AEBP2: variants seen among roughly 807,000 people sequenced by gnomAD.
AEBP2 encodes AE binding protein 2.
A neutral mutation model predicts 50.8 loss-of-function variants in AEBP2; 10 were observed. That is an observed-to-expected ratio of 0.20 (90% CI 0.12 to 0.33). The LOEUF is 0.33. Among genes scored for constraint, AEBP2 ranks in the 10% least tolerant of loss-of-function variants. AEBP2 has a pLI of 1.00. For missense variants in AEBP2, 570 were observed against 688.0 expected, an observed-to-expected ratio of 0.83 and a Z score of 1.92; for synonymous variants, 296 against 261.3, an observed-to-expected ratio of 1.13 and a Z score of -1.28.
chr12:19,518,030 G>A lies in AEBP2; in HGVS notation c.1482-57G>A. The A allele has an allele frequency of 2.0e-6, 3 of 1,469,002 alleles. 1 individual carries two copies. Among genetic ancestry groups the A allele is most frequent in the South Asian group, 2.6e-5 (2 of 77,902 alleles). 91.0% of individuals were successfully genotyped at this position (1,469,002 alleles called of 1,614,324 possible). On this transcript the variant is annotated intron_variant, in intron 7 of 7. Transcript: ENST00000266508. The stretch of plus-strand genomic sequence containing the variant: ...ATTAATATTTTTAATGTCTCTTGAA[G>A]CACTCAAATGTGTTTGATTCAGTTG...
intron 3 of AEBP2, among the ~76,000 whole-genome samples, chr12:19,492,001 G>A (rs981783769): frequency 4.0e-5 from 6 of 151,736 alleles, no homozygotes; most frequent in African/African-American, 1.5e-4. Flanking sequence ...GCTTACAATT[G>A]GTAGAGGTAC....
intron 1 of AEBP2, among the ~76,000 whole-genome samples, chr12:19,409,999 G>C (rs2095738418): frequency 6.6e-6 from 1 of 152,054 alleles, no homozygotes. Flanking sequence ...ATGCTCCAGG[G>C]ACCTGATTTC....
chr12:19,499,645 A>G (rs1036109963), intron 4 of AEBP2, among the ~76,000 whole-genome samples: 1 of 151,642 alleles, frequency 6.6e-6, no homozygotes, highest in Non-Finnish European at 1.5e-5. Flanking sequence ...TCAAAATAAT[A>G]TTATTGTATT....
At chr12:19,461,017 A>G (rs1423384783) in intron 1 of AEBP2, among the ~76,000 whole-genome samples, 1 of 152,126 alleles carries the variant, frequency 6.6e-6, no homozygotes, top group African/African-American at 2.4e-5. Flanking sequence ...CTGCAATTTT[A>G]AAATGATTCA....
chr12:19,419,896 C>G (rs982030326), intron 1 of AEBP2, among the ~76,000 whole-genome samples: 2 of 152,132 alleles, frequency 1.3e-5, no homozygotes, highest in African/African-American at 4.8e-5. Context: ...CACCACTGCG[C>G]TCCAGCCTGG....
chr12:19,416,636 T>C lies in AEBP2; in HGVS notation c.-17+12420T>C, dbSNP rs112618251. ...GCCAGGCTGGTCTTTTTTTTTTTTT[T>C]TTCTTGAGACAGAGTCTCGTTCTGT... On this transcript the variant is annotated intron_variant, in intron 1 of 3. Coordinates refer to the AEBP2 transcript ENST00000538425. Among the ~76,000 whole-genome samples, 435 of 151,566 alleles carry C rather than the reference T, an allele frequency of 2.9e-3. 1 individual carries two copies. Among genetic ancestry groups the C allele is most frequent in the African/African-American group, 9.9e-3 (411 of 41,364 alleles).
intron 1 of AEBP2, among the ~76,000 whole-genome samples, chr12:19,441,379 T>A (rs1399059741): frequency 1.3e-5 from 2 of 152,220 alleles, no homozygotes; most frequent in Non-Finnish European, 2.9e-5. Flanking sequence ...AAAACGAGAA[T>A]CACATGCATA....
Position 19,473,240 on chromosome 12 carries a change from C to CT in AEBP2, c.880-6dup. ...TGAAAATTAATATGGTTCTGTTTTTCTTAACAGGTATTTGTTTGCTTATGG... is the reference window on the plus strand; with the variant it reads ...TGAAAATTAATATGGTTCTGTTTTTCTTTAACAGGTATTTGTTTGCTTATGG... On this transcript the variant is annotated splice_polypyrimidine_tract_variant and splice_region_variant and intron_variant, in intron 2 of 7. Coordinates refer to ENST00000266508, the MANE Select transcript of AEBP2 (RefSeq NM_153207.5). 10 of 1,369,438 alleles carry CT rather than the reference C, an allele frequency of 7.3e-6. No homozygotes were observed. Among genetic ancestry groups the CT allele is most frequent in the Non-Finnish European group, 9.7e-6 (10 of 1,028,334 alleles). The allele number at this position is 1,369,438 out of a possible 1,614,324, so 84.8% of individuals were successfully genotyped here.
At chr12:19,426,312 G>A (rs746137990) in intron 1 of AEBP2, among the ~76,000 whole-genome samples, 5 of 152,150 alleles carry the variant, frequency 3.3e-5, no homozygotes, top group Non-Finnish European at 7.4e-5. Flanking sequence ...TGTCTGTCTT[G>A]AGTGCATCTG....
upstream of AEBP2, among the ~76,000 whole-genome samples, chr12:19,435,214 C>T (rs1460259674): frequency 6.6e-6 from 1 of 151,468 alleles, no homozygotes; most frequent in Admixed American, 6.6e-5. Context: ...AAAGCCTGGA[C>T]CTCCCTAGGC....
At chr12:19,517,023 C>T (rs960101795) in intron 7 of AEBP2, among the ~76,000 whole-genome samples, 4 of 151,954 alleles carry the variant, frequency 2.6e-5, no homozygotes, top group African/African-American at 9.7e-5. Context: ...AAGAGTCTGT[C>T]CAAAAAATAA....
rs1276791419 is a variant in AEBP2, at chr12:19,439,923, G to A, written c.224G>A (p.Gly75Glu). Residue 75 changes from glycine to glutamate, a missense_variant, in exon 1 of 8, where the codon GGG becomes GAG. Gly to Glu is a moderately conservative substitution (Grantham distance 98). Coordinates refer to ENST00000266508, the MANE Select transcript of AEBP2 (RefSeq NM_153207.5). Reference protein sequence around the residue: ...GGGGGGGGGVGGGEAETMSEP... With the variant: ...GGGGGGGGGVEGGEAETMSEP... ...GGCGGAGGCGGCGGCGGAGGAGTGGGGGGCGGCGAGGCAGAGACGATGTCG... is the reference window on the plus strand; with the variant it reads ...GGCGGAGGCGGCGGCGGAGGAGTGGAGGGCGGCGAGGCAGAGACGATGTCG... 2 of 1,508,974 alleles carry A rather than the reference G, an allele frequency of 1.3e-6. No homozygotes were observed. The highest frequency in any genetic ancestry group is 8.8e-7 in the Non-Finnish European group (1 of 1,135,924). 93.5% of individuals were successfully genotyped at this position (1,508,974 alleles called of 1,614,324 possible). A position where few individuals can be genotyped will look rare whatever the true frequency, so the allele number is the denominator to read the frequency against.
chr12:19,405,939 C>G (rs886996845), intron 1 of AEBP2, among the ~76,000 whole-genome samples: 48 of 150,120 alleles, frequency 3.2e-4, no homozygotes, highest in Non-Finnish European at 8.8e-5. Context: ...GTAGCTGGGA[C>G]TACAGATGTG....
chr12:19,514,569 G>T, intron 6 of AEBP2, 102 bp from the exon 7 acceptor site: 4 of 863,402 alleles, frequency 4.6e-6, no homozygotes, highest in Non-Finnish European at 7.2e-6. Context: ...CACTTAACGT[G>T]GACTGATCAA....
intron 2 of AEBP2, among the ~76,000 whole-genome samples, chr12:19,464,544 A>G (rs572445692): frequency 6.6e-6 from 1 of 152,186 alleles, no homozygotes; most frequent in African/African-American, 2.4e-5. Context: ...AAATGCAGTT[A>G]CAGTCTGATT....
At position 19,456,673 on chromosome 12, in the gene AEBP2, G is replaced by A. The variant is rs1290690961; in HGVS notation, c.672-5837G>A. ...CTGTCACCAGCATCATTGCCATGACGAACATCCTTGACAGACACATTCTTG... is the reference window on the plus strand; with the variant it reads ...CTGTCACCAGCATCATTGCCATGACAAACATCCTTGACAGACACATTCTTG... On this transcript the variant is annotated intron_variant, in intron 1 of 7. Coordinates refer to ENST00000266508, the MANE Select transcript of AEBP2 (RefSeq NM_153207.5). The A allele has an allele frequency of 1.1e-5, 17 of 1,563,590 alleles. No individual in the cohort carries two copies. The South Asian group carries it at 1.2e-4, about 11-fold the overall frequency.
In AEBP2 at chr12:19,439,845, C is replaced by T. The variant is rs1367896880; in HGVS notation, c.146C>T (p.Ala49Val). Residue 49 changes from alanine to valine, a missense_variant, in exon 1 of 8, where the codon GCG becomes GTG. By Grantham distance (64) the Ala-to-Val change is moderately conservative. This residue lies in a region of AEBP2 where 386 missense variants were observed against 336.8 expected (regional missense o/e 1.15). Coordinates refer to ENST00000266508, the MANE Select transcript of AEBP2 (RefSeq NM_153207.5). ...EEEEEEEEEE[A>V]EAEAVAALLL... Reference sequence around the variant, plus strand: ...GAAGAGGAGGAGGAGGAAGAGGAGGCGGAGGCCGAGGCGGTGGCGGCGCTG... The same window carrying T: ...GAAGAGGAGGAGGAGGAAGAGGAGGTGGAGGCCGAGGCGGTGGCGGCGCTG... 1.1e-5 allele frequency: 17 copies of T among 1,493,416 alleles called. No homozygotes were observed. Among genetic ancestry groups the T allele is most frequent in the Non-Finnish European group, 1.4e-5 (16 of 1,130,384 alleles). 92.5% of individuals were successfully genotyped at this position (1,493,416 alleles called of 1,614,324 possible). A position where few individuals can be genotyped will look rare whatever the true frequency, so the allele number is the denominator to read the frequency against.
At chr12:19,417,061 C>T (rs529128610) in intron 1 of AEBP2, among the ~76,000 whole-genome samples, 47 of 151,298 alleles carry the variant, frequency 3.1e-4, no homozygotes, top group Admixed American at 1.5e-3. Flanking sequence ...TTAGTAGAGA[C>T]GGGATTTCAC....
At chr12:19,468,479 A>C (rs1258399213) in intron 2 of AEBP2, among the ~76,000 whole-genome samples, 1 of 152,212 alleles carries the variant, frequency 6.6e-6, no homozygotes, top group Non-Finnish European at 1.5e-5. Context: ...TTCCTTGTGC[A>C]TACTTACTCT....
Sources: allele counts gnomAD v4.1 joint callset (sites outside exome capture counted in the v4.1 genomes callset), GRCh38; gene constraint gnomAD v4.1.1; regional missense constraint gnomAD v4.1.1; transcripts MANE v1.5; gene names NCBI Gene and HGNC (gene_info 2026-07-23, HGNC 2026-07-21).